Variants in SLC22A8 observed in about 807,000 individuals in gnomAD.
The protein encoded by SLC22A8 is solute carrier family 22 member 8.
A neutral mutation model predicts 48.4 loss-of-function variants in SLC22A8; 40 were observed. The observed-to-expected ratio is 0.83, with a 90% confidence interval of 0.64 to 1.08. The LOEUF is 1.08. Among genes scored for constraint, SLC22A8 ranks in the 50% least tolerant of loss-of-function variants. SLC22A8 has a pLI of 0.00. For missense variants in SLC22A8, 606 were observed against 699.0 expected (o/e 0.87, Z 1.50); for synonymous variants, 268 against 286.3 (o/e 0.94, Z 0.65).
chr11:63,001,706 G>A (rs1025311139), intron 2 of SLC22A8, among the ~76,000 whole-genome samples: 3 of 151,980 alleles, frequency 2.0e-5, no homozygotes, highest in Non-Finnish European at 2.9e-5. Context: ...CTGTTCCTGC[G>A]GCTTCAATTC....
At chr11:62,998,732 G>T (rs1430479284) in intron 5 of SLC22A8, among the ~76,000 whole-genome samples, 189 bp downstream of exon 5, 1 of 152,040 alleles carries the variant, frequency 6.6e-6, no homozygotes, top group Non-Finnish European at 1.5e-5. Context: ...CCTTCCCCAC[G>T]TGCCCCCATC....
intron 2 of SLC22A8, among the ~76,000 whole-genome samples, chr11:63,001,945 G>C (rs2086500172): frequency 6.6e-6 from 1 of 151,344 alleles, no homozygotes; most frequent in Non-Finnish European, 1.5e-5. Flanking sequence ...TTTTTTTTGA[G>C]ACAGGGTCTC....
intron 5 of SLC22A8, 45 bp downstream of exon 5, chr11:62,998,876 C>T: frequency 6.4e-7 from 1 of 1,554,202 alleles, no homozygotes; most frequent in Non-Finnish European, 8.8e-7. Context: ...CCTGTTTGGC[C>T]CTGGGGCACC....
At chr11:63,015,478 G>C (rs994784977) in intron 1 of SLC22A8, among the ~76,000 whole-genome samples, 3 of 152,214 alleles carry the variant, frequency 2.0e-5, no homozygotes, top group Non-Finnish European at 4.4e-5. Context: ...AATGTCCCCA[G>C]TTGCTCCAGG....
chr11:63,008,677 A>G (rs1464650451), intron 2 of SLC22A8, among the ~76,000 whole-genome samples: 4 of 152,120 alleles, frequency 2.6e-5, no homozygotes, highest in South Asian at 2.1e-4. Flanking sequence ...TCTTATTATT[A>G]TTGTCACTAT....
At position 62,994,629 on chromosome 11, in the gene SLC22A8, A is replaced by C; in HGVS notation, c.1129T>G (p.Leu377Val). 6.2e-7 allele frequency: 1 copy of C among 1,614,226 alleles called. No individual in the cohort carries two copies. Among genetic ancestry groups the C allele is most frequent in the Non-Finnish European group, 8.5e-7 (1 of 1,180,040 alleles). Residue 377 changes from leucine (L) to valine (V), a missense_variant, in exon 8 of 11, where the codon TTA becomes GTA. Coordinates refer to ENST00000336232, the MANE Select transcript of SLC22A8 (RefSeq NM_004254.4). ...GTGGTATGCCGGCCCAGGTAGCTTA[A>C]GGAGAGGATGGTGATGAACTTGGCT... ...VPAKFITILS[L>V]SYLGRHTTQA... is the part of the protein sequence containing the mutation.
intron 3 of SLC22A8, among the ~76,000 whole-genome samples, chr11:63,000,425 A>T (rs1209517793): frequency 6.7e-6 from 1 of 148,938 alleles, no homozygotes; most frequent in African/African-American, 2.5e-5. Flanking sequence ...TGGAGGTTGC[A>T]GTGAGCTGAG....
chr11:63,003,244 C>G (rs1021304499), intron 2 of SLC22A8, among the ~76,000 whole-genome samples: 3 of 152,194 alleles, frequency 2.0e-5, no homozygotes, highest in Non-Finnish European at 2.9e-5. Flanking sequence ...AATAGAAATG[C>G]CTCACAAGAA....
chr11:63,014,784 G>A lies in SLC22A8; in HGVS notation c.175C>T (p.Pro59Ser). 1 of 1,613,466 alleles carries A rather than the reference G, an allele frequency of 6.2e-7. No homozygotes were observed. The highest frequency in any genetic ancestry group is 8.5e-7 in the Non-Finnish European group (1 of 1,179,416). The change falls in exon 2 of 11, where the codon CCT becomes TCT. Residue 59 changes from proline to serine, a missense_variant. Physicochemically the swap from Pro to Ser is moderately conservative, Grantham distance 74 (BLOSUM62 -1). Transcript: ENST00000336232. ...CRPPHNASTGPWVLPMGPNGK... is the reference protein window; with the variant it reads ...CRPPHNASTGSWVLPMGPNGK... ...TTTGGGCCCATGGGGAGCACCCAAGGCCCTGTGGAGGCATTGTGGGGCGGG... is the reference window on the plus strand; with the variant it reads ...TTTGGGCCCATGGGGAGCACCCAAGACCCTGTGGAGGCATTGTGGGGCGGG...
At chr11:62,995,657 C>CT (rs1398065636) in intron 7 of SLC22A8, 47 bp downstream of exon 7, 2 of 1,407,394 alleles carry the variant, frequency 1.4e-6, no homozygotes, top group African/African-American at 2.8e-5. Context: ...GAGGCCTTGT[C>CT]TATCACCCCT....
At chr11:62,993,384 C>T (rs760094537) in intron 10 of SLC22A8, 40 bp downstream of exon 10, 2 of 1,613,512 alleles carry the variant, frequency 1.2e-6, no homozygotes, top group Non-Finnish European at 1.7e-6. Flanking sequence ...ACCTGCTTCC[C>T]CAGGGAGGAG....
chr11:63,014,534 A>C, intron 2 of SLC22A8, 92 bp downstream of exon 2: 1 of 1,162,312 alleles, frequency 8.6e-7, no homozygotes, highest in Non-Finnish European at 1.2e-6. Context: ...GTTCCTGGGA[A>C]CACCAGACCC....
At position 62,993,048 on chromosome 11, in the gene SLC22A8, G is replaced by A; in HGVS notation, c.*189C>T. 1.7e-6 allele frequency: 1 copy of A among 593,812 alleles called. No homozygotes were observed. The highest frequency in any genetic ancestry group is 3.0e-6 in the Non-Finnish European group (1 of 333,926). The allele number at this position is 593,812 out of a possible 1,614,324, so 36.8% of individuals were successfully genotyped here. A position where few individuals can be genotyped will look rare whatever the true frequency, so the allele number is the denominator to read the frequency against. ...CTGGGTTGCAGGGAGAACAAGGGCA[G>A]GGATGGCTGAACCTTTGAACTGGCC... On this transcript the variant is annotated 3_prime_UTR_variant, in exon 11 of 11. Transcript: ENST00000336232.
intron 4 of SLC22A8, 166 bp downstream of exon 4, chr11:62,999,522 T>G: frequency 1.9e-6 from 1 of 519,530 alleles, no homozygotes; most frequent in Non-Finnish European, 3.4e-6. Flanking sequence ...TTACTATGCT[T>G]GTTGTCATTT....
At chr11:63,006,835 C>T (rs2086562574) in intron 2 of SLC22A8, among the ~76,000 whole-genome samples, 1 of 151,622 alleles carries the variant, frequency 6.6e-6, no homozygotes, top group Admixed American at 6.6e-5. Context: ...TTTTGACCTC[C>T]TGACCTCATG....
intron 10 of SLC22A8, 35 bp downstream of exon 10, chr11:62,993,389 G>C: frequency 6.2e-7 from 1 of 1,613,346 alleles, no homozygotes; most frequent in Admixed American, 1.7e-5. Context: ...CTTCCCCAGG[G>C]AGGAGCACTG....
In SLC22A8 at chr11:62,995,827, C is replaced by T. The variant is rs531421305; in HGVS notation, c.886-8G>A. 1.9e-6 allele frequency: 3 copies of T among 1,605,890 alleles called. No individual in the cohort carries two copies. Among genetic ancestry groups the T allele is most frequent in the African/African-American group, 1.3e-5 (1 of 74,846 alleles). On this transcript the variant is annotated splice_region_variant and splice_polypyrimidine_tract_variant and intron_variant, in intron 6 of 10. Coordinates refer to ENST00000336232, the MANE Select transcript of SLC22A8 (RefSeq NM_004254.4). ...CAGGTTGAGTTTGAGCTCCTTCGGG[C>T]AGAGGAGGGGGAGGGGTGCCATTAA...
In SLC22A8 at chr11:62,994,540, A is replaced by G. The variant is rs1285720639; in HGVS notation, c.1216+2T>C. On this transcript the variant is annotated splice_donor_variant, in intron 8 of 10. Coordinates refer to ENST00000336232, the MANE Select transcript of SLC22A8 (RefSeq NM_004254.4). LOFTEE classifies it high-confidence loss of function. ...GGTTCTGGGGTAGCCCCAGTCTCTC[A>G]CCCAAGGGCACAAAGGTGAGAGCCA... 2 of 1,598,456 alleles carry G rather than the reference A, an allele frequency of 1.3e-6. No homozygotes were observed. Among genetic ancestry groups the G allele is most frequent in the Admixed American group, 3.5e-5 (2 of 57,652 alleles).
At chr11:63,006,916 T>C (rs1244849818) in intron 2 of SLC22A8, among the ~76,000 whole-genome samples, 5 of 152,116 alleles carry the variant, frequency 3.3e-5, no homozygotes, top group African/African-American at 7.2e-5. Context: ...CTTGAGGTTT[T>C]ATCTCTAATA....
Sources: allele counts gnomAD v4.1 joint callset (sites outside exome capture counted in the v4.1 genomes callset), GRCh38; gene constraint gnomAD v4.1.1; transcripts MANE v1.5; gene names NCBI Gene and HGNC (gene_info 2026-07-23, HGNC 2026-07-21).